Variants in KIAA1328 observed in about 807,000 individuals in gnomAD.
KIAA1328 encodes the protein protein hinderin.
In KIAA1328, 52 loss-of-function variants were observed where a neutral mutation model predicts 68.1. That is an observed-to-expected ratio of 0.76 (90% CI 0.61 to 0.96). KIAA1328 has a LOEUF of 0.96. KIAA1328 is among the 40% of genes least tolerant of loss of function. KIAA1328 has a pLI of 0.00. For synonymous variants in KIAA1328, 232 were observed against 239.4 expected (o/e 0.97, Z 0.28); for missense variants, 641 against 677.6 (o/e 0.95, Z 0.60).
At chr18:36,862,441 A>G (rs1311850261) in intron 4 of KIAA1328, among the ~76,000 whole-genome samples, 2 of 152,208 alleles carry the variant, frequency 1.3e-5, no homozygotes, top group Non-Finnish European at 2.9e-5. Context: ...TGTAAGTGGA[A>G]TCATACAGTA....
chr18:37,192,039 G>A (rs559676850), intron 9 of KIAA1328, among the ~76,000 whole-genome samples: 68 of 152,256 alleles, frequency 4.5e-4, no homozygotes, highest in African/African-American at 1.5e-3. Context: ...AGCTTCAACT[G>A]TAGCACTAAG....
chr18:36,882,327 C>A (rs2150970632), intron 4 of KIAA1328, among the ~76,000 whole-genome samples: 1 of 152,104 alleles, frequency 6.6e-6, no homozygotes. Context: ...AAAATATAGA[C>A]CATGATACCC....
chr18:37,087,189 G>A (rs1229121205), intron 7 of KIAA1328, among the ~76,000 whole-genome samples: 3 of 151,998 alleles, frequency 2.0e-5, no homozygotes, highest in African/African-American at 7.2e-5. Flanking sequence ...CTCCCAGGTA[G>A]CTAGGACTGC....
chr18:36,997,832 C>A (rs1022668733), intron 6 of KIAA1328, among the ~76,000 whole-genome samples: 1 of 152,126 alleles, frequency 6.6e-6, no homozygotes, highest in Non-Finnish European at 1.5e-5. Context: ...TTGTGAGATA[C>A]GGTGGGGCCT....
chr18:36,963,603 A>G (rs1221926018), intron 6 of KIAA1328, among the ~76,000 whole-genome samples: 2 of 151,444 alleles, frequency 1.3e-5, no homozygotes, highest in African/African-American at 4.9e-5. Context: ...GTTTTGCCCA[A>G]TAAGGCTACT....
intron 6 of KIAA1328, among the ~76,000 whole-genome samples, chr18:36,973,393 C>T (rs920584937): frequency 2.6e-5 from 4 of 152,022 alleles, no homozygotes; most frequent in Non-Finnish European, 5.9e-5. Flanking sequence ...TTAACGGGTG[C>T]AGCACACAAA....
chr18:36,846,016 C>T (rs1010970755), intron 4 of KIAA1328, among the ~76,000 whole-genome samples: 2 of 151,576 alleles, frequency 1.3e-5, no homozygotes, highest in Admixed American at 6.6e-5. Context: ...TTACTATTAA[C>T]GTACAAGTAT....
In KIAA1328 at chr18:36,866,132, C is replaced by T. The variant is rs111782480; in HGVS notation, c.333-19425C>T. 4.7e-3 allele frequency among the ~76,000 whole-genome samples: 721 copies of T among 152,310 alleles called. 7 individuals carry two copies. Among genetic ancestry groups the T allele is most frequent in the African/African-American group, 0.016 (684 of 41,588 alleles). The stretch of plus-strand genomic sequence containing the variant: ...CACTACCAACTCCTGCATAGATCCG[C>T]TCCTCCCCATGCTTGGGCTCTGAAT... On this transcript the variant is annotated intron_variant, in intron 4 of 9. Transcript: ENST00000280020.
At chr18:37,027,257 T>C (rs986438344) in intron 6 of KIAA1328, among the ~76,000 whole-genome samples, 11 of 152,138 alleles carry the variant, frequency 7.2e-5, no homozygotes, top group Admixed American at 5.2e-4. Flanking sequence ...TGCTCATGGA[T>C]AGGAAGAATC....
chr18:36,917,329 T>C (rs527934605), intron 5 of KIAA1328, among the ~76,000 whole-genome samples: 4 of 152,238 alleles, frequency 2.6e-5, no homozygotes, highest in Middle Eastern at 6.8e-3. Context: ...GCAATCCTCC[T>C]TCCCCAGCTT....
intron 6 of KIAA1328, among the ~76,000 whole-genome samples, chr18:37,025,503 C>T (rs1444564893): frequency 2.6e-5 from 4 of 152,252 alleles, no homozygotes; most frequent in African/African-American, 9.6e-5. Context: ...TGTAAAAGAA[C>T]AGAAATTATA....
chr18:36,903,860 G>A (rs1044487648), intron 5 of KIAA1328, among the ~76,000 whole-genome samples: 27 of 152,172 alleles, frequency 1.8e-4, no homozygotes, highest in African/African-American at 6.3e-4. Context: ...GCTATTACAA[G>A]CATAGTCTAT....
chr18:36,944,396 G>A (rs974936347), intron 5 of KIAA1328, among the ~76,000 whole-genome samples: 1 of 152,104 alleles, frequency 6.6e-6, no homozygotes, highest in African/African-American at 2.4e-5. Context: ...GGCTAACACG[G>A]TGAAACCCCA....
chr18:36,873,080 A>G (rs184056317), intron 4 of KIAA1328, among the ~76,000 whole-genome samples: 1 of 152,320 alleles, frequency 6.6e-6, no homozygotes, highest in South Asian at 2.1e-4. Context: ...GAATTTTCTC[A>G]GAAGACATTT....
At chr18:37,220,722 T>C (rs958886672) in intron 9 of KIAA1328, among the ~76,000 whole-genome samples, 2 of 152,242 alleles carry the variant, frequency 1.3e-5, no homozygotes, top group Non-Finnish European at 2.9e-5. Flanking sequence ...TCACCACTGC[T>C]GCTTCTGCCA....
chr18:36,991,834 A>G (rs1319125213), intron 6 of KIAA1328, among the ~76,000 whole-genome samples: 1 of 152,166 alleles, frequency 6.6e-6, no homozygotes, highest in Non-Finnish European at 1.5e-5. Context: ...CCAGAGTGCA[A>G]AAATGGAAGC....
At chr18:37,026,767 A>T (rs943831483) in intron 6 of KIAA1328, among the ~76,000 whole-genome samples, 28 of 152,220 alleles carry the variant, frequency 1.8e-4, no homozygotes, top group African/African-American at 5.8e-4. Flanking sequence ...AGCCAATATC[A>T]TACTGAATGG....
At chr18:37,123,800 A>C (rs1407363815) in intron 7 of KIAA1328, among the ~76,000 whole-genome samples, 2 of 152,198 alleles carry the variant, frequency 1.3e-5, no homozygotes, top group Admixed American at 6.5e-5. Flanking sequence ...AAAGCAAAGG[A>C]TAGGTGAGGT....
chr18:37,117,037 A>G (rs1040371364), intron 7 of KIAA1328, among the ~76,000 whole-genome samples: 1 of 152,250 alleles, frequency 6.6e-6, no homozygotes, highest in African/African-American at 2.4e-5. Context: ...ATATGGAGAA[A>G]TAGGAACACT....
Sources: gnomAD v4.1 joint callset for allele counts (sites outside exome capture counted in the v4.1 genomes callset) on GRCh38, gnomAD v4.1.1 for gene constraint, MANE v1.5 for transcripts, NCBI Gene and HGNC (gene_info 2026-07-23, HGNC 2026-07-21) for gene names.